The following MTAP variants were observed in gnomAD, a reference collection of about 807,000 sequenced individuals.
MTAP encodes the protein methylthioadenosine phosphorylase.
Under a neutral mutation model 33.6 loss-of-function variants are expected in MTAP, and 33 were observed. The observed-to-expected ratio is 0.98, with a 90% CI of 0.74 to 1.31. The LOEUF is 1.31. MTAP is among the 40% of genes most tolerant of loss of function. MTAP has a pLI of 0.00. For synonymous variants in MTAP, 148 were observed against 125.7 expected (o/e 1.18, Z -1.19); for missense variants, 367 against 360.0 (o/e 1.02, Z -0.16).
intron 1 of MTAP, among the ~76,000 whole-genome samples, chr9:21,879,323 T>C (rs1052258121): frequency 2.6e-5 from 4 of 152,172 alleles, no homozygotes; most frequent in Non-Finnish European, 5.9e-5. Context: ...TTTATCTTTT[T>C]CTATCTTTAT....
chr9:21,887,501 C>A (rs1161060966), intron 1 of MTAP, among the ~76,000 whole-genome samples: 3 of 152,094 alleles, frequency 2.0e-5, no homozygotes, highest in African/African-American at 7.2e-5. Flanking sequence ...TTTCTTAATC[C>A]AGTCTATCAT....
Position 21,849,843 on chromosome 9 carries a change from T to A in MTAP, c.451-4788T>A, listed in dbSNP as rs144835719. On this transcript the variant is annotated intron_variant, in intron 5 of 7. Coordinates refer to ENST00000644715, the MANE Select transcript of MTAP (RefSeq NM_002451.4). ...CTCCAATTGCAGCTGTTGTACCAGA[T>A]GTGATTTCATTGCTTGAGCAAATTA... Among the ~76,000 whole-genome samples, 67 of 152,364 alleles carry A rather than the reference T, an allele frequency of 4.4e-4. No homozygotes were observed. The East Asian group carries it at 8.3e-3, about 19-fold the overall frequency.
chr9:21,865,388 T>C lies in MTAP; in HGVS notation c.*3374T>C, dbSNP rs1825837124. ...GAGTTAATTAAACCTCTTTCCTTTATAAATTACCCAGTCATGGGCAGTCCT... is the reference window on the plus strand; with the variant it reads ...GAGTTAATTAAACCTCTTTCCTTTACAAATTACCCAGTCATGGGCAGTCCT... On this transcript the variant is annotated 3_prime_UTR_variant, in exon 8 of 8. Coordinates refer to ENST00000644715, the MANE Select transcript of MTAP (RefSeq NM_002451.4). 2 of 954,128 alleles carry C rather than the reference T, an allele frequency of 2.1e-6. No individual in the cohort carries two copies. Among genetic ancestry groups the C allele is most frequent in the South Asian group, 9.7e-5 (2 of 20,676 alleles). The allele number at this position is 954,128 out of a possible 1,614,324, so 59.1% of individuals were successfully genotyped here. A position where few individuals can be genotyped will look rare whatever the true frequency, so the allele number is the denominator to read the frequency against.
rs1414519025 is a variant in MTAP, at chr9:21,865,541, G to A, written c.*3527G>A. The A allele has an allele frequency of 2.0e-6, 2 of 985,534 alleles. No individual in the cohort carries two copies. The highest frequency in any genetic ancestry group is 2.4e-6 in the Non-Finnish European group (2 of 829,970). The allele number at this position is 985,534 out of a possible 1,614,324, so 61.0% of individuals were successfully genotyped here. ...TGGCCCAGCAAGGCAAAGAACTGAA[G>A]TTCCAGGATGGAAGAACCTGTGTTC... is the stretch of plus-strand genomic sequence containing the variant. On this transcript the variant is annotated 3_prime_UTR_variant, in exon 8 of 8. Transcript: ENST00000644715.
chr9:21,932,477 A>T (rs1818977792), downstream of MTAP: 1 of 152,224 alleles, frequency 6.6e-6, no homozygotes, highest in Non-Finnish European at 1.5e-5. Context: ...TTTAGAACCT[A>T]AGATTGGCCT....
At chr9:21,910,046 G>C (rs942120207) in intron 1 of MTAP, among the ~76,000 whole-genome samples, 6 of 151,998 alleles carry the variant, frequency 3.9e-5, no homozygotes, top group African/African-American at 1.5e-4. Flanking sequence ...GTCAGAAAAG[G>C]GACAAAATGT....
chr9:21,815,379 T>C, intron 1 of MTAP, 54 bp from the exon 2 acceptor site: 1 of 1,237,418 alleles, frequency 8.1e-7, no homozygotes, highest in Non-Finnish European at 1.2e-6. Flanking sequence ...TAGAATCTTA[T>C]TTCTAATAAA....
At chr9:21,915,004 C>T (rs114165128) in intron 1 of MTAP, among the ~76,000 whole-genome samples, 512 of 14,512 alleles carry the variant, frequency 0.035, 17 homozygotes, top group East Asian at 0.17. Flanking sequence ...GTTTTCTTTC[C>T]TTCCTTCCTT....
chr9:21,839,725 G>C (rs1825196603), intron 5 of MTAP, among the ~76,000 whole-genome samples: 1 of 152,182 alleles, frequency 6.6e-6, no homozygotes, highest in Admixed American at 6.5e-5. Flanking sequence ...ACATCCACAT[G>C]ATCTTTCATG....
chr9:21,905,529 A>G (rs1818462531), intron 1 of MTAP, among the ~76,000 whole-genome samples: 1 of 152,216 alleles, frequency 6.6e-6, no homozygotes, highest in Non-Finnish European at 1.5e-5. Flanking sequence ...TTCCAGGAAC[A>G]TGGAAGACTA....
intron 1 of MTAP, among the ~76,000 whole-genome samples, chr9:21,898,873 C>T (rs867614303): frequency 7.2e-5 from 11 of 152,060 alleles, no homozygotes; most frequent in South Asian, 2.1e-4. Flanking sequence ...CCCAGCCATC[C>T]CATTACTGGG....
rs886063782 is a variant in MTAP, at chr9:21,862,263, G to GA, written c.*258dup. On this transcript the variant is annotated 3_prime_UTR_variant, in exon 8 of 8. Transcript: ENST00000644715. ...GGAAAAAATATTACATTTTAAGGGG[G>GA]AAAAAAAAACCCACCATTCTCTTCT... 1,473 of 887,108 alleles carry GA rather than the reference G, an allele frequency of 1.7e-3. No individual in the cohort carries two copies. The highest frequency in any genetic ancestry group is 1.8e-3 in the Non-Finnish European group (1,196 of 677,228). The allele number at this position is 887,108 out of a possible 1,614,324, so 55.0% of individuals were successfully genotyped here.
rs150414950 is a variant in MTAP, at chr9:21,862,342, T to C, written c.*328T>C. 163 of 230,466 alleles carry C rather than the reference T, an allele frequency of 7.1e-4. 1 individual carries two copies. In the East Asian group the frequency reaches 0.016, roughly 23 times the overall value. The allele number at this position is 230,466 out of a possible 1,614,324, so 14.3% of individuals were successfully genotyped here. Reference sequence around the variant, plus strand: ...GTGGAGGGTAATCTCTACTTTCCTATACTGCCAAAGAATGTGAGGAAGAAA... The same window carrying C: ...GTGGAGGGTAATCTCTACTTTCCTACACTGCCAAAGAATGTGAGGAAGAAA... On this transcript the variant is annotated 3_prime_UTR_variant, in exon 8 of 8. Transcript: ENST00000644715.
intron 4 of MTAP, among the ~76,000 whole-genome samples, chr9:21,823,921 C>A (rs1012935509): frequency 3.3e-5 from 5 of 152,192 alleles, no homozygotes; most frequent in Admixed American, 2.0e-4. Context: ...CTTGTGCATT[C>A]GTCACGTAGT....
chr9:21,853,683 C>T (rs1002598388), intron 5 of MTAP, among the ~76,000 whole-genome samples: 1 of 152,162 alleles, frequency 6.6e-6, no homozygotes, highest in African/African-American at 2.4e-5. Context: ...AGAAGACCAG[C>T]TTAGTGCATA....
chr9:21,940,796 A>G (rs1383890385), downstream of MTAP, among the ~76,000 whole-genome samples: 1 of 152,312 alleles, frequency 6.6e-6, no homozygotes, highest in South Asian at 2.1e-4. Context: ...ACCAACCCAG[A>G]AGCTCTCTGA....
chr9:21,939,918 A>G (rs1005594191), downstream of MTAP, among the ~76,000 whole-genome samples: 1 of 152,104 alleles, frequency 6.6e-6, no homozygotes, highest in African/African-American at 2.4e-5. Flanking sequence ...ATAACAGGAC[A>G]CAATTAGAAA....
At chr9:21,831,975 A>G (rs969107137) in intron 4 of MTAP, among the ~76,000 whole-genome samples, 5 of 152,184 alleles carry the variant, frequency 3.3e-5, no homozygotes, top group African/African-American at 4.8e-5. Context: ...CTTAGAAGTG[A>G]GGACATCCAG....
At chr9:21,918,349 CAAAAAAAAAAA>C (rs34446505) in intron 1 of MTAP, among the ~76,000 whole-genome samples, 6 of 23,812 alleles carry the variant, frequency 2.5e-4, no homozygotes, top group South Asian at 2.2e-3. Context: ...GACTCCGTCT[CAAAAAAAAAAA>C]AAAAAAAAAA....
Sources: allele counts gnomAD v4.1 joint callset (sites outside exome capture counted in the v4.1 genomes callset), GRCh38; gene constraint gnomAD v4.1.1; transcripts MANE v1.5; gene names NCBI Gene and HGNC (gene_info 2026-07-23, HGNC 2026-07-21).